The following RPS6KC1 variants were observed in gnomAD, a reference collection of about 807,000 sequenced individuals.
RPS6KC1 encodes the protein ribosomal protein S6 kinase C1, also known as inactive ribosomal protein S6 kinase delta-1.
Under a neutral mutation model 103.8 loss-of-function variants are expected in RPS6KC1, and 54 were observed. The ratio of observed to expected loss-of-function variants is 0.52; its 90% CI spans 0.42 to 0.65. The LOEUF (loss-of-function observed/expected upper bound fraction) is 0.65, where lower values mean the gene tolerates loss of function less well. Among genes scored for constraint, RPS6KC1 ranks in the 30% least tolerant of loss-of-function variants. The probability of loss-of-function intolerance (pLI) is 0.00; values close to 1 mark genes in which losing one functional copy is unlikely to be tolerated. For missense variants in RPS6KC1, 1,151 were observed against 1,253.8 expected (o/e 0.92, Z 1.24); for synonymous variants, 439 against 438.7 (o/e 1.00, Z -0.01).
chr1:213,189,416 T>C (rs2092666938), intron 8 of RPS6KC1, among the ~76,000 whole-genome samples: 1 of 138,470 alleles, frequency 7.2e-6, no homozygotes, highest in Non-Finnish European at 1.5e-5. Flanking sequence ...GCCAGTGCGC[T>C]CCAGCCTGAG....
rs567076577 is a variant in RPS6KC1, at chr1:213,114,695, G to T, written c.379-2622G>T. ...TCAGTATGATATTGGCTGTGGGTTT[G>T]TCATAGATAGCTTTTATTATTTTGA... On this transcript the variant is annotated intron_variant, in intron 4 of 14. Transcript: ENST00000366960. Among the ~76,000 whole-genome samples the T allele has an allele frequency of 2.6e-5, 4 of 152,116 alleles. No homozygotes were observed. The South Asian group carries it at 8.3e-4, about 32-fold the overall frequency.
At chr1:213,443,163 G>A in the RPS6KC1 span, among the ~76,000 whole-genome samples, 143 of 152,288 alleles carry the variant, frequency 9.4e-4, 2 homozygotes, top group East Asian at 0.026. Flanking sequence ...GCTTACCTGA[G>A]ATCCAGCTAC....
At chr1:213,619,374 C>T in the RPS6KC1 span, among the ~76,000 whole-genome samples, 1 of 152,202 alleles carries the variant, frequency 6.6e-6, no homozygotes, top group African/African-American at 2.4e-5. Context: ...CATTTCCGAA[C>T]CAGGTTACCT....
At chr1:213,095,089 A>G (rs1482304100) in intron 3 of RPS6KC1, among the ~76,000 whole-genome samples, 3 of 152,168 alleles carry the variant, frequency 2.0e-5, no homozygotes, top group African/African-American at 7.2e-5. Context: ...CACAAGCCAA[A>G]GCCCTGTAAG....
chr1:213,121,584 C>T (rs1196527091), intron 5 of RPS6KC1, among the ~76,000 whole-genome samples: 2 of 152,144 alleles, frequency 1.3e-5, no homozygotes, highest in Non-Finnish European at 2.9e-5. Context: ...TTTGTAGAAA[C>T]CTGCCCAAAT....
chr1:213,291,589 G>C, the RPS6KC1 span, among the ~76,000 whole-genome samples: 32 of 152,344 alleles, frequency 2.1e-4, no homozygotes, highest in African/African-American at 6.7e-4. Context: ...ATGTGTCAGT[G>C]AAATGGGGAG....
the RPS6KC1 span, among the ~76,000 whole-genome samples, chr1:213,512,227 A>G: frequency 6.6e-6 from 1 of 152,234 alleles, no homozygotes; most frequent in South Asian, 2.1e-4. Flanking sequence ...TGTCTTTGGA[A>G]ATAATTTATG....
intron 3 of RPS6KC1, among the ~76,000 whole-genome samples, chr1:213,092,772 G>C (rs1422020391): frequency 2.0e-5 from 3 of 151,990 alleles, no homozygotes; most frequent in Non-Finnish European, 4.4e-5. Context: ...GTAAGATCCT[G>C]TGTATGTGTA....
At chr1:213,475,108 G>A in the RPS6KC1 span, among the ~76,000 whole-genome samples, 6 of 152,278 alleles carry the variant, frequency 3.9e-5, no homozygotes, top group East Asian at 1.9e-4. Context: ...GAGTGATTGC[G>A]GGGCCGTTTT....
chr1:213,713,585 A>G, the RPS6KC1 span, among the ~76,000 whole-genome samples: 55 of 152,296 alleles, frequency 3.6e-4, no homozygotes, highest in South Asian at 1.4e-3. Flanking sequence ...CTAGGACAGA[A>G]TTAGGTCCCT....
chr1:213,715,759 G>A, the RPS6KC1 span, among the ~76,000 whole-genome samples: 1 of 152,176 alleles, frequency 6.6e-6, no homozygotes, highest in Non-Finnish European at 1.5e-5. Flanking sequence ...ATTGGCATTT[G>A]TAAGAGGGAA....
At chr1:213,588,094 G>C in the RPS6KC1 span, among the ~76,000 whole-genome samples, 1 of 151,990 alleles carries the variant, frequency 6.6e-6, no homozygotes, top group East Asian at 1.9e-4. Context: ...TCTTTGTTTT[G>C]AGACAGGGTC....
chr1:213,482,294 T>C, the RPS6KC1 span, among the ~76,000 whole-genome samples: 1 of 152,158 alleles, frequency 6.6e-6, no homozygotes, highest in Non-Finnish European at 1.5e-5. Context: ...GTATAAAATT[T>C]TGTTTCATTT....
the RPS6KC1 span, among the ~76,000 whole-genome samples, chr1:213,739,451 G>A: frequency 2.6e-5 from 4 of 152,108 alleles, no homozygotes; most frequent in East Asian, 1.9e-4. Flanking sequence ...TAACCCCTAC[G>A]TTGTTCAAGG....
the RPS6KC1 span, among the ~76,000 whole-genome samples, chr1:213,792,946 T>C: frequency 6.6e-6 from 1 of 151,996 alleles, no homozygotes; most frequent in African/African-American, 2.4e-5. Flanking sequence ...AGCAGTCTTA[T>C]CACTATGCCC....
chr1:213,729,549 G>A, the RPS6KC1 span, among the ~76,000 whole-genome samples: 1 of 151,958 alleles, frequency 6.6e-6, no homozygotes, highest in Non-Finnish European at 1.5e-5. Context: ...TTAAAGGATC[G>A]GGGGGAGGGA....
the RPS6KC1 span, among the ~76,000 whole-genome samples, chr1:213,332,400 G>T: frequency 1.3e-5 from 2 of 152,172 alleles, no homozygotes; most frequent in South Asian, 4.1e-4. Flanking sequence ...TTGATACAGC[G>T]ATCCAATCAA....
chr1:213,137,777 C>CTCTCTCTCTCTATA (rs1387641875), intron 6 of RPS6KC1, among the ~76,000 whole-genome samples: 2 of 63,588 alleles, frequency 3.1e-5, no homozygotes, highest in African/African-American at 2.1e-4. Flanking sequence ...CTCTCTCTCT[C>CTCTCTCTCTCTATA]TATATATATA....
the RPS6KC1 span, among the ~76,000 whole-genome samples, chr1:213,563,844 C>T: frequency 0.041 from 6,171 of 151,746 alleles, 166 homozygotes; most frequent in Non-Finnish European, 0.054. Context: ...TACTTTTATA[C>T]GCTAAATTAA....
Sources: allele counts gnomAD v4.1 joint callset (sites outside exome capture counted in the v4.1 genomes callset), GRCh38; gene constraint gnomAD v4.1.1; transcripts MANE v1.5; gene names NCBI Gene and HGNC (gene_info 2026-07-23, HGNC 2026-07-21).